The following ZFHX3 variants were observed in gnomAD, a reference collection of about 807,000 sequenced individuals.
ZFHX3 encodes zinc finger homeobox 3, also known as zinc finger homeobox protein 3.
ZFHX3 carries 42 observed loss-of-function variants against 279.1 expected under a neutral mutation model. That is an observed-to-expected ratio of 0.15 (90% CI 0.12 to 0.19). The LOEUF (loss-of-function observed/expected upper bound fraction) is 0.19, where lower values mean the gene tolerates loss of function less well. ZFHX3 is among the 10% of genes least tolerant of loss of function. The probability of loss-of-function intolerance (pLI) is 1.00; values close to 1 mark genes in which losing one functional copy is unlikely to be tolerated. For missense variants in ZFHX3, 4,981 were observed against 4,754.0 expected (o/e 1.05, Z -1.40); for synonymous variants, 2,293 against 1,957.8 (o/e 1.17, Z -4.52).
At chr16:73,547,295 G>T (rs1181477948) in intron 2 of ZFHX3, among the ~76,000 whole-genome samples, 1 of 151,794 alleles carries the variant, frequency 6.6e-6, no homozygotes, top group Non-Finnish European at 1.5e-5. Flanking sequence ...AGGGAGCGAA[G>T]GAAAGGAAGA....
At chr16:73,758,760 A>G (rs1272293351) in intron 1 of ZFHX3, among the ~76,000 whole-genome samples, 1 of 152,178 alleles carries the variant, frequency 6.6e-6, no homozygotes, top group Non-Finnish European at 1.5e-5. Flanking sequence ...TGTCCATAGC[A>G]CTACCTACAA....
At position 73,451,255 on chromosome 16, in the gene ZFHX3, T is replaced by G. The variant is rs187794551; in HGVS notation, c.-1291+4748A>C. Reference sequence around the variant, plus strand: ...GCTTACACTAGGGGATATACTAGACTTGGTAAGTGGAAGGACACAGGCCAG... The same window carrying G: ...GCTTACACTAGGGGATATACTAGACGTGGTAAGTGGAAGGACACAGGCCAG... On this transcript the variant is annotated intron_variant, in intron 3 of 17. Transcript: ENST00000641206. Among the ~76,000 whole-genome samples, 33 of 152,328 alleles carry G rather than the reference T, an allele frequency of 2.2e-4. No individual in the cohort carries two copies. In the East Asian group the frequency reaches 6.2e-3, roughly 29 times the overall value.
intron 5 of ZFHX3, among the ~76,000 whole-genome samples, chr16:73,188,506 A>T (rs1222267167): frequency 6.6e-6 from 1 of 152,324 alleles, no homozygotes; most frequent in South Asian, 2.1e-4. Context: ...CTCACCTGAG[A>T]TGGTGAATTT....
chr16:73,662,724 C>A (rs183432814), intron 2 of ZFHX3, among the ~76,000 whole-genome samples: 1 of 152,136 alleles, frequency 6.6e-6, no homozygotes, highest in African/African-American at 2.4e-5. Context: ...AATTTCATTT[C>A]GCCTGCAATT....
chr16:73,407,267 G>A (rs971066719), intron 3 of ZFHX3, among the ~76,000 whole-genome samples: 11 of 152,120 alleles, frequency 7.2e-5, no homozygotes, highest in Non-Finnish European at 1.0e-4. Flanking sequence ...AAATGCGGCC[G>A]CTATGCTTTG....
At chr16:73,357,683 A>G (rs1413094425) in intron 3 of ZFHX3, among the ~76,000 whole-genome samples, 1 of 152,194 alleles carries the variant, frequency 6.6e-6, no homozygotes, top group Non-Finnish European at 1.5e-5. Flanking sequence ...GGTAGGGTTC[A>G]GGCTGTACCT....
chr16:73,437,290 G>T (rs2018014588), intron 3 of ZFHX3, among the ~76,000 whole-genome samples: 2 of 152,118 alleles, frequency 1.3e-5, no homozygotes, highest in Admixed American at 6.5e-5. Flanking sequence ...AGTAACAAAG[G>T]CAAGGACAAA....
chr16:73,258,900 T>G (rs1235144185), intron 4 of ZFHX3, among the ~76,000 whole-genome samples: 1 of 152,236 alleles, frequency 6.6e-6, no homozygotes, highest in Non-Finnish European at 1.5e-5. Flanking sequence ...AGAGTTTACA[T>G]TTTCTTACAT....
intron 7 of ZFHX3, among the ~76,000 whole-genome samples, chr16:73,117,085 TA>T (rs1966441324): frequency 6.6e-6 from 1 of 152,220 alleles, no homozygotes; most frequent in Admixed American, 6.5e-5. Context: ...AGGCCTGAAC[TA>T]AAGGTAGTGC....
chr16:73,322,570 A>G (rs1020506593), intron 3 of ZFHX3, among the ~76,000 whole-genome samples: 4 of 152,158 alleles, frequency 2.6e-5, no homozygotes, highest in Non-Finnish European at 2.9e-5. Context: ...TCGGTTTCCA[A>G]TCTTCCCCAA....
chr16:73,059,085 G>T (rs1210932654), exon 1 of ZFHX3: 1 of 152,948 alleles, frequency 6.5e-6, no homozygotes, highest in Non-Finnish European at 1.5e-5. Flanking sequence ...AAATGGCTGT[G>T]ATTAATTCAG....
intron 1 of ZFHX3, among the ~76,000 whole-genome samples, chr16:73,868,954 A>G (rs1253379336): frequency 6.6e-6 from 1 of 151,998 alleles, no homozygotes; most frequent in Non-Finnish European, 1.5e-5. Flanking sequence ...TCTTCTTTAC[A>G]CCATTTCCTT....
intron 2 of ZFHX3, among the ~76,000 whole-genome samples, chr16:73,513,312 T>C (rs935096884): frequency 2.0e-5 from 3 of 152,190 alleles, no homozygotes; most frequent in African/African-American, 7.2e-5. Flanking sequence ...GGCAAACCTA[T>C]ATATCATCAT....
chr16:72,846,961 T>C (rs1303424672), intron 4 of ZFHX3, among the ~76,000 whole-genome samples: 1 of 152,188 alleles, frequency 6.6e-6, no homozygotes, highest in Admixed American at 6.5e-5. Flanking sequence ...CATCGTGCTC[T>C]GAAGCCTCTC....
intron 1 of ZFHX3, among the ~76,000 whole-genome samples, chr16:73,842,991 G>GT (rs1414482167): frequency 1.3e-5 from 2 of 152,198 alleles, no homozygotes. Flanking sequence ...ACCTGGACAA[G>GT]TTTTCAGTAA....
chr16:73,186,771 T>A (rs1345418250), intron 5 of ZFHX3, among the ~76,000 whole-genome samples: 1 of 152,226 alleles, frequency 6.6e-6, no homozygotes, highest in African/African-American at 2.4e-5. Flanking sequence ...ATGCCCATTA[T>A]ATTATTGTCA....
chr16:72,800,552 G>A (rs1307181671), intron 7 of ZFHX3, among the ~76,000 whole-genome samples: 1 of 152,086 alleles, frequency 6.6e-6, no homozygotes, highest in African/African-American at 2.4e-5. Flanking sequence ...CTTGAAGCAG[G>A]GAGCATTGTA....
At chr16:72,886,197 G>A (rs145005423) in intron 4 of ZFHX3, among the ~76,000 whole-genome samples, 49 of 152,248 alleles carry the variant, frequency 3.2e-4, no homozygotes, top group Non-Finnish European at 1.9e-4. Context: ...TAAATAATAC[G>A]TAATACTTTG....
chr16:73,277,246 G>A (rs1173831622), intron 4 of ZFHX3, among the ~76,000 whole-genome samples: 1 of 152,156 alleles, frequency 6.6e-6, no homozygotes, highest in Non-Finnish European at 1.5e-5. Flanking sequence ...GCATGTTGAT[G>A]TCCTTGTTTT....
Sources: allele counts gnomAD v4.1 joint callset (sites outside exome capture counted in the v4.1 genomes callset), GRCh38; gene constraint gnomAD v4.1.1; transcripts MANE v1.5; gene names NCBI Gene and HGNC (gene_info 2026-07-23, HGNC 2026-07-21).